The following CLSTN2 variants were observed in gnomAD, a reference collection of about 807,000 sequenced individuals.
CLSTN2 encodes calsyntenin 2, also known as calsyntenin-2.
CLSTN2 carries 48 observed loss-of-function variants against 101.2 expected under a neutral mutation model. The ratio of observed to expected loss-of-function variants is 0.47; its 90% confidence interval spans 0.38 to 0.60. The LOEUF (loss-of-function observed/expected upper bound fraction) is 0.60. Ranked by LOEUF, CLSTN2 falls within the 20% of genes least tolerant of loss-of-function variation. The probability of loss-of-function intolerance (pLI) is 0.00; values close to 1 mark genes in which losing one functional copy is unlikely to be tolerated. For synonymous variants in CLSTN2, 481 were observed against 463.6 expected, an observed-to-expected ratio of 1.04 and a Z score of -0.48; for missense variants, 1,160 against 1,238.2, an observed-to-expected ratio of 0.94 and a Z score of 0.95.
chr3:140,230,342 C>T (rs1490784767), intron 2 of CLSTN2, among the ~76,000 whole-genome samples: 1 of 152,154 alleles, frequency 6.6e-6, no homozygotes, highest in Non-Finnish European at 1.5e-5. Flanking sequence ...TATTTTAGAC[C>T]TACCTATAAT....
chr3:140,337,915 G>C (rs1473415832), intron 2 of CLSTN2, among the ~76,000 whole-genome samples: 1 of 152,196 alleles, frequency 6.6e-6, no homozygotes, highest in Non-Finnish European at 1.5e-5. Flanking sequence ...ATGGGGCAGA[G>C]ACTAGCATGA....
intron 1 of CLSTN2, among the ~76,000 whole-genome samples, chr3:140,059,939 C>T (rs2008170234): frequency 6.6e-6 from 1 of 152,164 alleles, no homozygotes; most frequent in Non-Finnish European, 1.5e-5. Context: ...CATCCTAATA[C>T]ACCGATCTGG....
chr3:140,156,288 G>C (rs550430986), intron 1 of CLSTN2, among the ~76,000 whole-genome samples: 2 of 152,070 alleles, frequency 1.3e-5, no homozygotes, highest in African/African-American at 2.4e-5. Flanking sequence ...CTTGTTCTAC[G>C]ATGTTTCAAT....
intron 2 of CLSTN2, among the ~76,000 whole-genome samples, chr3:140,275,294 A>C (rs542170673): frequency 8.1e-4 from 121 of 149,286 alleles, no homozygotes; most frequent in African/African-American, 2.9e-3. Context: ...TTTTTAAGTG[A>C]GGAGGTCTCA....
intron 1 of CLSTN2, among the ~76,000 whole-genome samples, chr3:140,150,594 T>G (rs1410141589): frequency 6.6e-6 from 1 of 152,088 alleles, no homozygotes; most frequent in African/African-American, 2.4e-5. Flanking sequence ...CAGTGACTGA[T>G]AAATGCAAGA....
intron 7 of CLSTN2, among the ~76,000 whole-genome samples, chr3:140,460,703 G>GCA (rs1021944085): frequency 1.3e-5 from 2 of 152,056 alleles, no homozygotes; most frequent in Admixed American, 1.3e-4. Flanking sequence ...CCACCCATCT[G>GCA]CACACACACA....
chr3:140,129,700 G>T (rs764988438), intron 1 of CLSTN2, among the ~76,000 whole-genome samples: 1 of 152,118 alleles, frequency 6.6e-6, no homozygotes, highest in African/African-American at 2.4e-5. Flanking sequence ...GCATGTATTG[G>T]GGACTGGAAC....
rs72981896 is a variant in CLSTN2, at chr3:140,054,817, A to G, written c.109+119334A>G. Reference sequence around the variant, plus strand: ...TTTGGGGTAGGAAAAAGGAGAAGGGAGTTTGGGAGAAAAACTTAAAGCTGA... The same window carrying G: ...TTTGGGGTAGGAAAAAGGAGAAGGGGGTTTGGGAGAAAAACTTAAAGCTGA... On this transcript the variant is annotated intron_variant, in intron 1 of 16. Transcript: ENST00000458420. Among the ~76,000 whole-genome samples, 946 of 152,268 alleles carry G rather than the reference A, an allele frequency of 6.2e-3. 4 individuals are homozygous for G. Among genetic ancestry groups the G allele is most frequent in the African/African-American group, 0.022 (896 of 41,550 alleles).
At chr3:140,416,935 A>T (rs2088437953) in intron 4 of CLSTN2, among the ~76,000 whole-genome samples, 1 of 152,220 alleles carries the variant, frequency 6.6e-6, no homozygotes, top group Non-Finnish European at 1.5e-5. Flanking sequence ...TATCCTAAAG[A>T]CTGCTCATTC....
chr3:140,175,884 T>C, intron 1 of CLSTN2, 67 bp from the exon 2 acceptor site: 1 of 1,460,290 alleles, frequency 6.8e-7, no homozygotes, highest in African/African-American at 1.4e-5. Flanking sequence ...ACAATCTTAA[T>C]AATACATTAT....
chr3:140,185,539 G>T (rs541674474), intron 2 of CLSTN2, among the ~76,000 whole-genome samples: 1 of 152,258 alleles, frequency 6.6e-6, no homozygotes, highest in Non-Finnish European at 1.5e-5. Flanking sequence ...CCATGACCCA[G>T]CCCACCTGAC....
chr3:140,372,946 G>C (rs2087875023), intron 2 of CLSTN2, among the ~76,000 whole-genome samples: 1 of 152,202 alleles, frequency 6.6e-6, no homozygotes, highest in Non-Finnish European at 1.5e-5. Flanking sequence ...GCATGTGCCT[G>C]TAGTCCTAGC....
chr3:140,398,725 C>G lies in CLSTN2; in HGVS notation c.233-4904C>G, dbSNP rs561394502. On this transcript the variant is annotated intron_variant, in intron 2 of 16. Transcript: ENST00000458420. ...GGATGAACACGTAATCTCTCTGAGGCTCAGTTTCCTCATCTAAAAAATTGA... is the reference window on the plus strand; with the variant it reads ...GGATGAACACGTAATCTCTCTGAGGGTCAGTTTCCTCATCTAAAAAATTGA... Among the ~76,000 whole-genome samples, 56 of 152,304 alleles carry G rather than the reference C, an allele frequency of 3.7e-4. 1 individual carries two copies. Among genetic ancestry groups the G allele is most frequent in the African/African-American group, 1.3e-3 (53 of 41,552 alleles).
At chr3:140,285,379 C>A (rs1349958486) in intron 2 of CLSTN2, among the ~76,000 whole-genome samples, 1 of 152,080 alleles carries the variant, frequency 6.6e-6, no homozygotes, top group African/African-American at 2.4e-5. Context: ...GCTCCTGTTG[C>A]TTAAGGGAGT....
chr3:140,223,305 C>T (rs2350510), intron 2 of CLSTN2, among the ~76,000 whole-genome samples: 3,360 of 152,276 alleles, frequency 0.022, 48 homozygotes, highest in Middle Eastern at 0.058. Flanking sequence ...AGTTTATTCA[C>T]GCTGCACAGG....
intron 2 of CLSTN2, among the ~76,000 whole-genome samples, chr3:140,270,832 C>G (rs557684031): frequency 6.6e-6 from 1 of 152,280 alleles, no homozygotes; most frequent in African/African-American, 2.4e-5. Context: ...TAGCAGAACT[C>G]CGGTACCTGT....
intron 3 of CLSTN2, among the ~76,000 whole-genome samples, chr3:140,404,147 G>A (rs1201977429): frequency 1.3e-5 from 2 of 152,176 alleles, no homozygotes; most frequent in Admixed American, 6.5e-5. Flanking sequence ...CTGGGCCTCT[G>A]CCGTGCCATA....
chr3:140,520,077 G>T (rs188001767), intron 8 of CLSTN2, among the ~76,000 whole-genome samples: 1 of 152,298 alleles, frequency 6.6e-6, no homozygotes, highest in Admixed American at 6.5e-5. Context: ...GCTAACTTTT[G>T]CTGGTTCTGA....
chr3:140,330,345 G>A (rs980790929), intron 2 of CLSTN2, among the ~76,000 whole-genome samples: 5 of 152,196 alleles, frequency 3.3e-5, no homozygotes, highest in Non-Finnish European at 5.9e-5. Context: ...CCGGAAGTGT[G>A]GGAAAGTTAT....
Sources: allele counts gnomAD v4.1 joint callset (sites outside exome capture counted in the v4.1 genomes callset), GRCh38; gene constraint gnomAD v4.1.1; transcripts MANE v1.5; gene names NCBI Gene and HGNC (gene_info 2026-07-23, HGNC 2026-07-21).